PCED1B: variants seen among roughly 807,000 people sequenced by gnomAD.
PCED1B encodes PC-esterase domain-containing protein 1B.
For synonymous variants in PCED1B, 251 were observed against 246.1 expected, an observed-to-expected ratio of 1.02 and a Z score of -0.19; for missense variants, 573 against 573.9, an observed-to-expected ratio of 1.00 and a Z score of 0.02.
chr12:47,149,111 A>G lies in PCED1B; in HGVS notation c.-526+44916A>G, dbSNP rs574201256. On this transcript the variant is annotated intron_variant, in intron 2 of 3. Coordinates refer to ENST00000546455, the MANE Select transcript of PCED1B (RefSeq NM_138371.3). Reference sequence around the variant, plus strand: ...TATTTCCAGTCTTTTCAATTTACAGAAATAAATCTGTGCTCTCAACGAATG... The same window carrying G: ...TATTTCCAGTCTTTTCAATTTACAGGAATAAATCTGTGCTCTCAACGAATG... Among the ~76,000 whole-genome samples, 149 of 152,344 alleles carry G rather than the reference A, an allele frequency of 9.8e-4. 1 individual carries two copies. Among genetic ancestry groups the G allele is most frequent in the African/African-American group, 3.5e-3 (145 of 41,582 alleles).
intron 2 of PCED1B, among the ~76,000 whole-genome samples, chr12:47,119,647 T>G (rs1304728373): frequency 1.3e-5 from 2 of 151,732 alleles, no homozygotes; most frequent in East Asian, 3.9e-4. Flanking sequence ...GGCAAGAGAC[T>G]TATGTCCAGA....
chr12:47,088,767 G>A (rs773132258), intron 1 of PCED1B, among the ~76,000 whole-genome samples: 5 of 152,094 alleles, frequency 3.3e-5, no homozygotes, highest in African/African-American at 4.8e-5. Context: ...GCTCACAGGC[G>A]TTTCCTACTT....
chr12:47,190,910 T>C (rs900916122), intron 2 of PCED1B, among the ~76,000 whole-genome samples: 2 of 152,168 alleles, frequency 1.3e-5, no homozygotes, highest in Non-Finnish European at 2.9e-5. Flanking sequence ...GAAAGCTGCT[T>C]GTGTCCCTCA....
At chr12:47,157,382 A>T (rs1444954462) in intron 2 of PCED1B, among the ~76,000 whole-genome samples, 2 of 152,158 alleles carry the variant, frequency 1.3e-5, no homozygotes, top group African/African-American at 2.4e-5. Flanking sequence ...TGACACTAAG[A>T]GGTCAAGAGT....
intron 2 of PCED1B, among the ~76,000 whole-genome samples, chr12:47,171,153 C>T (rs981083403): frequency 2.3e-4 from 35 of 150,522 alleles, no homozygotes; most frequent in Admixed American, 6.7e-5. Context: ...CTGCAACCTC[C>T]GCCTCCCGGG....
At chr12:47,126,976 C>CT (rs1939913421) in intron 2 of PCED1B, among the ~76,000 whole-genome samples, 1 of 151,996 alleles carries the variant, frequency 6.6e-6, no homozygotes, top group South Asian at 2.1e-4. Context: ...TTTATTTTCT[C>CT]TGTTGTTTTT....
intron 1 of PCED1B, 62 bp downstream of exon 1, chr12:47,079,787 G>C (rs1263167879): frequency 2.0e-5 from 3 of 149,900 alleles, no homozygotes; most frequent in African/African-American, 7.3e-5. Context: ...TCCCAGAGCC[G>C]GGGCCGCGGG....
Position 47,217,304 on chromosome 12 carries a change from A to G in PCED1B, c.-58+615A>G, listed in dbSNP as rs1182401752. On this transcript the variant is annotated intron_variant, in intron 3 of 3. Transcript: ENST00000546455. Reference sequence around the variant, plus strand: ...GTAGTCCCAGCTACTAGGGAGGCTGAAGTGGGAGGATTGATTGAGCCTGCA... The same window carrying G: ...GTAGTCCCAGCTACTAGGGAGGCTGGAGTGGGAGGATTGATTGAGCCTGCA... 3.3e-5 allele frequency among the ~76,000 whole-genome samples: 5 copies of G among 151,726 alleles called. No individual in the cohort carries two copies. The East Asian group carries it at 9.7e-4, about 29-fold the overall frequency.
chr12:47,236,413 A>T lies in PCED1B; in HGVS notation c.*51A>T, dbSNP rs142383431. 1.3e-4 allele frequency: 191 copies of T among 1,454,004 alleles called. 1 individual carries two copies. The African/African-American group carries it at 2.6e-3, about 20-fold the overall frequency. The allele number at this position is 1,454,004 out of a possible 1,614,324, so 90.1% of individuals were successfully genotyped here. A position where few individuals can be genotyped will look rare whatever the true frequency, so the allele number is the denominator to read the frequency against. On this transcript the variant is annotated 3_prime_UTR_variant, in exon 4 of 4. Coordinates refer to ENST00000546455, the MANE Select transcript of PCED1B (RefSeq NM_138371.3). ...TATGAACATGGATTGGACAGATCTG[A>T]CACTTCCTTTCCATTGCTTGGCCTG...
At chr12:47,165,824 A>G (rs1941527523) in intron 2 of PCED1B, among the ~76,000 whole-genome samples, 1 of 152,206 alleles carries the variant, frequency 6.6e-6, no homozygotes, top group African/African-American at 2.4e-5. Flanking sequence ...TCCTCTATTC[A>G]ATTAAAAGTT....
At chr12:47,184,866 T>C (rs1942206215) in intron 2 of PCED1B, among the ~76,000 whole-genome samples, 1 of 152,274 alleles carries the variant, frequency 6.6e-6, no homozygotes, top group East Asian at 1.9e-4. Context: ...TGTGTATGCA[T>C]TGGAATGTTT....
intron 2 of PCED1B, among the ~76,000 whole-genome samples, chr12:47,163,526 A>G (rs1941454322): frequency 6.6e-6 from 1 of 152,140 alleles, no homozygotes; most frequent in South Asian, 2.1e-4. Context: ...TTCACCATTT[A>G]GTTTTATGTT....
chr12:47,167,004 A>T (rs1219213278), intron 2 of PCED1B, among the ~76,000 whole-genome samples: 1 of 152,146 alleles, frequency 6.6e-6, no homozygotes, highest in African/African-American at 2.4e-5. Context: ...AGGAAAAGGG[A>T]TTTGGGACTT....
intron 2 of PCED1B, among the ~76,000 whole-genome samples, chr12:47,113,496 G>T (rs1305592471): frequency 6.6e-6 from 1 of 152,126 alleles, no homozygotes; most frequent in Non-Finnish European, 1.5e-5. Context: ...ATACTGCATT[G>T]TTCCATACTG....
intron 2 of PCED1B, among the ~76,000 whole-genome samples, chr12:47,134,544 C>G (rs543606341): frequency 6.6e-6 from 1 of 152,184 alleles, no homozygotes; most frequent in South Asian, 2.1e-4. Flanking sequence ...CCCCTTCCAT[C>G]TAATCTTTCA....
intron 2 of PCED1B, among the ~76,000 whole-genome samples, chr12:47,121,233 A>C (rs908446885): frequency 2.6e-5 from 4 of 152,216 alleles, no homozygotes; most frequent in Admixed American, 6.5e-5. Context: ...CCGGTGATAC[A>C]TTGTAGGCGA....
intron 2 of PCED1B, among the ~76,000 whole-genome samples, chr12:47,132,722 C>G (rs1592180547): frequency 1.3e-5 from 2 of 152,280 alleles, no homozygotes; most frequent in Admixed American, 1.3e-4. Context: ...TGTGACTCAG[C>G]CCAAGTGCAG....
chr12:47,153,830 A>G (rs920529482), intron 2 of PCED1B, among the ~76,000 whole-genome samples: 38 of 152,194 alleles, frequency 2.5e-4, no homozygotes, highest in African/African-American at 8.0e-4. Flanking sequence ...TTCTCCATGA[A>G]CTGACCTTTT....
chr12:47,137,932 A>G (rs1333869569), intron 2 of PCED1B, among the ~76,000 whole-genome samples: 1 of 152,182 alleles, frequency 6.6e-6, no homozygotes, highest in Non-Finnish European at 1.5e-5. Context: ...ACTTCTTGTC[A>G]TTGAAAAGGA....
Sources: gnomAD v4.1 joint callset for allele counts (sites outside exome capture counted in the v4.1 genomes callset) on GRCh38, gnomAD v4.1.1 for gene constraint, MANE v1.5 for transcripts, NCBI Gene and HGNC (gene_info 2026-07-23, HGNC 2026-07-21) for gene names.